RASAL2: variants seen among roughly 807,000 people sequenced by gnomAD.
The protein encoded by RASAL2 is ras GTPase-activating protein nGAP.
RASAL2 carries 58 observed loss-of-function variants against 128.9 expected under a neutral mutation model. The observed-to-expected ratio is 0.45, with a 90% CI of 0.36 to 0.56. The LOEUF (loss-of-function observed/expected upper bound fraction) is 0.56, where lower values mean the gene tolerates loss of function less well. RASAL2 is among the 20% of genes least tolerant of loss of function. RASAL2 has a pLI of 0.00. For missense variants in RASAL2, 1,360 were observed against 1,601.6 expected, an observed-to-expected ratio of 0.85 and a Z score of 2.57; for synonymous variants, 561 against 580.8, an observed-to-expected ratio of 0.97 and a Z score of 0.49.
chr1:178,399,675 C>T (rs144989321), intron 4 of RASAL2, among the ~76,000 whole-genome samples: 206 of 152,308 alleles, frequency 1.4e-3, no homozygotes, highest in African/African-American at 4.8e-3. Context: ...GAGACAAAAA[C>T]TACTGAAGAA....
chr1:178,263,942 A>G (rs1665821346), intron 1 of RASAL2, among the ~76,000 whole-genome samples: 1 of 152,212 alleles, frequency 6.6e-6, no homozygotes, highest in South Asian at 2.1e-4. Flanking sequence ...AGCAGAGGTC[A>G]GCGTGTGCCA....
rs556205332 is a variant in RASAL2 at position 178,389,351 on chromosome 1, C to CAT, written c.458-739_458-738dup. On this transcript the variant is annotated intron_variant, in intron 3 of 17. Transcript: ENST00000367649. ...TATCATCTGTGTGTGCGTGTGTATG[C>CAT]ATATATATATACACATGTATATATA... is the stretch of plus-strand genomic sequence containing the variant. 448 of 692,430 alleles carry CAT rather than the reference C, an allele frequency of 6.5e-4. 1 individual carries two copies. The highest frequency in any genetic ancestry group is 5.9e-3 in the African/African-American group (298 of 50,860). The allele number at this position is 692,430 out of a possible 1,614,324, so 42.9% of individuals were successfully genotyped here.
At chr1:178,135,871 A>G (rs530802972) in intron 1 of RASAL2, among the ~76,000 whole-genome samples, 6 of 152,154 alleles carry the variant, frequency 3.9e-5, no homozygotes, top group Non-Finnish European at 7.4e-5. Flanking sequence ...ATCAGGTCTC[A>G]TGAGACGTAT....
rs1677805028 is a variant in RASAL2 at position 178,456,766 on chromosome 1, A to G, written c.2257A>G (p.Ile753Val). ...LGPLPRVLAD[I>V]TKSLTNPTPI... ...GCCTCTCCCTCGTGTTCTTGCTGAT[A>G]TTACCAAGTCATTGACTAATCCTAC... is the stretch of plus-strand genomic sequence containing the variant. Residue 753 changes from isoleucine to valine, a missense_variant, in exon 13 of 18, where the codon ATT becomes GTT. By Grantham distance (29) the Ile-to-Val change is conservative. Coordinates refer to ENST00000367649, the MANE Select transcript of RASAL2 (RefSeq NM_170692.4). 2 of 1,614,134 alleles carry G rather than the reference A, an allele frequency of 1.2e-6. No individual in the cohort carries two copies. The highest frequency in any genetic ancestry group is 1.3e-5 in the African/African-American group (1 of 75,030).
At chr1:178,172,526 A>G (rs1188565024) in intron 1 of RASAL2, among the ~76,000 whole-genome samples, 1 of 152,170 alleles carries the variant, frequency 6.6e-6, no homozygotes, top group East Asian at 1.9e-4. Flanking sequence ...GTTGTAGCAA[A>G]TATTTTGTGA....
intron 5 of RASAL2, among the ~76,000 whole-genome samples, chr1:178,432,536 T>C (rs1345722847): frequency 6.6e-6 from 1 of 152,142 alleles, no homozygotes; most frequent in East Asian, 1.9e-4. Flanking sequence ...TCTGTTTCAC[T>C]GTTCACATCT....
At chr1:178,198,070 G>A (rs901150080) in intron 1 of RASAL2, among the ~76,000 whole-genome samples, 3 of 152,192 alleles carry the variant, frequency 2.0e-5, no homozygotes, top group African/African-American at 7.2e-5. Flanking sequence ...TGGTGTATAT[G>A]TGCCACATTT....
chr1:178,328,858 C>T (rs1027665107), intron 3 of RASAL2, among the ~76,000 whole-genome samples: 4 of 152,082 alleles, frequency 2.6e-5, no homozygotes, highest in African/African-American at 7.2e-5. Flanking sequence ...TAGGGTATTT[C>T]GGGTTATGAG....
intron 3 of RASAL2, among the ~76,000 whole-genome samples, chr1:178,361,988 T>C (rs2102481717): frequency 6.6e-6 from 1 of 152,260 alleles, no homozygotes; most frequent in Middle Eastern, 3.4e-3. Context: ...GAGAATCTGA[T>C]GCCACCACTG....
chr1:178,422,304 G>A (rs1403045236), intron 5 of RASAL2, among the ~76,000 whole-genome samples: 1 of 151,886 alleles, frequency 6.6e-6, no homozygotes, highest in African/African-American at 2.4e-5. Context: ...TATAGTTACT[G>A]TATTTTTAGC....
At chr1:178,190,323 A>T (rs983220275) in intron 1 of RASAL2, among the ~76,000 whole-genome samples, 9 of 149,724 alleles carry the variant, frequency 6.0e-5, no homozygotes, top group Non-Finnish European at 1.2e-4. Context: ...TTAATTTTAT[A>T]AAACCAAAAG....
At chr1:178,378,132 C>T (rs562423890) in intron 3 of RASAL2, among the ~76,000 whole-genome samples, 1 of 150,474 alleles carries the variant, frequency 6.6e-6, no homozygotes, top group Non-Finnish European at 1.5e-5. Context: ...TAAATATTGT[C>T]AGACTGGATT....
At chr1:178,356,555 A>G (rs1205733616) in intron 3 of RASAL2, among the ~76,000 whole-genome samples, 1 of 152,222 alleles carries the variant, frequency 6.6e-6, no homozygotes, top group Non-Finnish European at 1.5e-5. Context: ...TCTTTAAAAT[A>G]TAATATTTAG....
intron 3 of RASAL2, among the ~76,000 whole-genome samples, chr1:178,327,371 G>T (rs1436345099): frequency 6.6e-6 from 1 of 151,660 alleles, no homozygotes; most frequent in Admixed American, 6.6e-5. Context: ...TTCGAGAAAG[G>T]GTCTTACTCT....
At chr1:178,148,046 G>C (rs1260900251) in intron 1 of RASAL2, among the ~76,000 whole-genome samples, 1 of 152,040 alleles carries the variant, frequency 6.6e-6, no homozygotes, top group East Asian at 1.9e-4. Flanking sequence ...ACTCCAGCCT[G>C]GGCAGCAGAG....
At chr1:178,226,675 G>A (rs1481903362) in intron 1 of RASAL2, among the ~76,000 whole-genome samples, 2 of 152,148 alleles carry the variant, frequency 1.3e-5, no homozygotes, top group African/African-American at 2.4e-5. Context: ...GGCTGGACAC[G>A]GTGGCTCACA....
chr1:178,467,876 G>T (rs1647899861), intron 17 of RASAL2, among the ~76,000 whole-genome samples: 1 of 152,232 alleles, frequency 6.6e-6, no homozygotes, highest in African/African-American at 2.4e-5. Context: ...AGACAAGGTT[G>T]TAAAAAGGTA....
intron 3 of RASAL2, among the ~76,000 whole-genome samples, chr1:178,349,600 T>G (rs1013310346): frequency 1.3e-5 from 2 of 151,946 alleles, no homozygotes; most frequent in Non-Finnish European, 2.9e-5. Context: ...GCTCTGAGCT[T>G]ACTGTATAAA....
At chr1:178,155,817 A>G (rs1036622601) in intron 1 of RASAL2, among the ~76,000 whole-genome samples, 2 of 152,124 alleles carry the variant, frequency 1.3e-5, no homozygotes, top group African/African-American at 4.8e-5. Context: ...GCAAGAAATA[A>G]TTTAGTTAGG....
Sources: gnomAD v4.1 joint callset for allele counts (sites outside exome capture counted in the v4.1 genomes callset) on GRCh38, gnomAD v4.1.1 for gene constraint, MANE v1.5 for transcripts, NCBI Gene and HGNC (gene_info 2026-07-23, HGNC 2026-07-21) for gene names.